MYH3: variants seen among roughly 807,000 people sequenced by gnomAD.
MYH3 encodes the protein myosin-3.
In MYH3, 130 loss-of-function variants were observed where a neutral mutation model predicts 238.0. The ratio of observed to expected loss-of-function variants is 0.55; its 90% CI spans 0.47 to 0.63. MYH3 has a LOEUF of 0.63. MYH3 is among the 30% of genes least tolerant of loss of function. MYH3 has a pLI of 0.00. For missense variants in MYH3, 1,853 were observed against 2,374.9 expected (o/e 0.78, Z 4.57); for synonymous variants, 880 against 924.1 (o/e 0.95, Z 0.86).
chr17:10,630,727 C>CGT (rs1319997527), intron 36 of MYH3, among the ~76,000 whole-genome samples: 1 of 152,010 alleles, frequency 6.6e-6, no homozygotes, highest in Non-Finnish European at 1.5e-5. Context: ...GGCAGATGCC[C>CGT]GTATTCCCAG....
chr17:10,628,658 C>T lies in MYH3; in HGVS notation c.5818G>A (p.Glu1940Lys). ...SSRMVVHESE[E>K] Reference sequence around the variant, plus strand: ...CCTGCTCCAGAAGGGCTGGCTCACTCTTCACTCTCGTGGACCACCATCTAG... The same window carrying T: ...CCTGCTCCAGAAGGGCTGGCTCACTTTTCACTCTCGTGGACCACCATCTAG... The change falls in exon 41 of 41, where the codon GAG (glutamate) becomes AAG (lysine). Residue 1940 changes from glutamate (E) to lysine (K), a missense_variant. By Grantham distance (56) the Glu-to-Lys change is moderately conservative. Transcript: ENST00000583535. 2 of 1,614,198 alleles carry T rather than the reference C, an allele frequency of 1.2e-6. No homozygotes were observed. Among genetic ancestry groups the T allele is most frequent in the Admixed American group, 1.7e-5 (1 of 60,024 alleles).
chr17:10,657,944 C>T (rs2074450187), upstream of MYH3, among the ~76,000 whole-genome samples: 1 of 152,038 alleles, frequency 6.6e-6, no homozygotes, highest in Admixed American at 6.6e-5. Flanking sequence ...TCATTAGTAT[C>T]ATTATTAACT....
chr17:10,649,495 G>T, intron 7 of MYH3, 82 bp downstream of exon 7: 1 of 1,082,110 alleles, frequency 9.2e-7, no homozygotes, highest in Non-Finnish European at 1.4e-6. Flanking sequence ...GGGGGAATGT[G>T]AGGACATTTG....
chr17:10,630,238 G>T (rs1409046472), intron 37 of MYH3, 42 bp from the exon 38 acceptor site: 1 of 1,613,102 alleles, frequency 6.2e-7, no homozygotes, highest in South Asian at 1.1e-5. Context: ...GCTGCAGCGT[G>T]ATTGGGAGGC....
chr17:10,635,251 T>TA, intron 30 of MYH3, 116 bp downstream of exon 30: 2 of 1,551,610 alleles, frequency 1.3e-6, no homozygotes, highest in Non-Finnish European at 1.8e-6. Context: ...CAGGTCCCTC[T>TA]AATGGCCCAG....
intron 11 of MYH3, 22 bp downstream of exon 11, chr17:10,645,907 C>A: frequency 1.2e-6 from 2 of 1,613,718 alleles, no homozygotes; most frequent in Non-Finnish European, 1.7e-6. Context: ...GAACACCCAC[C>A]CCTTCTGTTG....
In MYH3 at chr17:10,652,474, A is replaced by G. The variant is rs1247366052; in HGVS notation, c.294T>C (p.Asn98=). 1.6e-5 allele frequency: 26 copies of G among 1,613,966 alleles called. No individual in the cohort carries two copies. The highest frequency in any genetic ancestry group is 2.2e-5 in the Non-Finnish European group (26 of 1,180,010). The change falls in exon 4 of 41, where the codon AAT becomes AAC. Residue 98 remains asparagine (N), a synonymous_variant. Coordinates refer to ENST00000583535, the MANE Select transcript of MYH3 (RefSeq NM_002470.4). ...IEDMAMLTHL[N]EPAVLYNLKD... The stretch of plus-strand genomic sequence containing the variant: ...TCAGGTTGTACAGCACGGCTGGCTC[A>G]TTCAGGTGCGTCAGCATGGCCATGT...
the MYH3 span, among the ~76,000 whole-genome samples, chr17:10,668,215 C>T: frequency 2.6e-5 from 4 of 152,200 alleles, no homozygotes; most frequent in Non-Finnish European, 5.9e-5. Context: ...ACAAATATGG[C>T]GAAATCCCAT....
At position 10,633,084 on chromosome 17, in the gene MYH3, C is replaced by T. The variant is rs192111874; in HGVS notation, c.4648-300G>A. ...AAAATTAGCCAGGCATGGTGGTGCC[C>T]GCCTGTAATCCCAGCTACTCGGGAG... On this transcript the variant is annotated intron_variant, in intron 33 of 40. Transcript: ENST00000583535. Among the ~76,000 whole-genome samples the T allele has an allele frequency of 1.4e-4, 21 of 152,114 alleles. No homozygotes were observed. In the East Asian group the frequency reaches 3.7e-3, roughly 27 times the overall value.
At chr17:10,678,103 G>A in the MYH3 span, 2 of 151,712 alleles carry the variant, frequency 1.3e-5, no homozygotes, top group African/African-American at 2.4e-5. Context: ...CAACAAGAGT[G>A]AAACTCTGTC....
rs2074115912 is a variant in MYH3 at position 10,628,534 on chromosome 17, GA to G, written c.*118del. On this transcript the variant is annotated 3_prime_UTR_variant, in exon 41 of 41. Coordinates refer to ENST00000583535, the MANE Select transcript of MYH3 (RefSeq NM_002470.4). Reference sequence around the variant, plus strand: ...AAATACAGCAAAGCGGCCCCAGATTGAAACAAAGCAAAGTTTATTGCATGTG... The same window carrying G: ...AAATACAGCAAAGCGGCCCCAGATTGAACAAAGCAAAGTTTATTGCATGTG... 13 of 1,208,954 alleles carry G rather than the reference GA, an allele frequency of 1.1e-5. No homozygotes were observed. In the South Asian group the frequency reaches 1.3e-4, roughly 12 times the overall value. The allele number at this position is 1,208,954 out of a possible 1,614,324, so 74.9% of individuals were successfully genotyped here. A position where few individuals can be genotyped will look rare whatever the true frequency, so the allele number is the denominator to read the frequency against.
the MYH3 span, chr17:10,676,545 A>G: frequency 6.6e-6 from 1 of 152,144 alleles, no homozygotes; most frequent in Non-Finnish European, 1.5e-5. Context: ...TAACTATTCT[A>G]CTTTTTGAAT....
rs747770001 is a variant in MYH3 at position 10,648,683 on chromosome 17, A to T, written c.643-34T>A. On this transcript the variant is annotated intron_variant, in intron 7 of 40. Transcript: ENST00000583535. ...AGAAATTGAGGGAAGAAGAGGAAAC[A>T]TTTTTTTTTGAGATGGAGTTACACT... The T allele has an allele frequency of 5.0e-6, 7 of 1,396,188 alleles. No individual in the cohort carries two copies. In the Admixed American group the frequency reaches 1.0e-4, roughly 20 times the overall value. 86.5% of individuals were successfully genotyped at this position (1,396,188 alleles called of 1,614,324 possible).
Position 10,635,805 on chromosome 17 carries a change from A to C in MYH3, c.3905T>G (p.Leu1302Arg), listed in dbSNP as rs748599687. The change falls in exon 29 of 41, where the codon CTT (leucine) becomes CGT (arginine). Residue 1302 changes from leucine to arginine, a missense_variant. Around this residue, in one of 3 missense-constraint regions of MYH3, gnomAD observed 1,044 missense variants for 1,192.6 expected, o/e 0.88. Coordinates refer to ENST00000583535, the MANE Select transcript of MYH3 (RefSeq NM_002470.4). Reference sequence around the variant, plus strand: ...GGTAAAGGCTTGCTTGCTCCTGGAAAGTTGGGATACTATGCTTTCTTTTTC... The same window carrying C: ...GGTAAAGGCTTGCTTGCTCCTGGAACGTTGGGATACTATGCTTTCTTTTTC... ...LEEKESIVSQ[L>R]SRSKQAFTQQ... 9 of 1,614,052 alleles carry C rather than the reference A, an allele frequency of 5.6e-6. No homozygotes were observed. In the Admixed American group the frequency reaches 1.3e-4, roughly 24 times the overall value.
chr17:10,632,110 GTTT>G (rs758143517), intron 34 of MYH3, 94 bp from the exon 35 acceptor site: 1 of 1,379,786 alleles, frequency 7.2e-7, no homozygotes, highest in African/African-American at 1.7e-5. Context: ...TTGTTTGTTT[GTTT>G]TTGTTTTGTT....
At chr17:10,653,797 C>T (rs1201665491) in intron 3 of MYH3, among the ~76,000 whole-genome samples, 1 of 152,192 alleles carries the variant, frequency 6.6e-6, no homozygotes, top group Non-Finnish European at 1.5e-5. Context: ...GCCAATGGGC[C>T]CTGGCTGTCT....
At chr17:10,631,070 T>C (rs2074151351) in intron 36 of MYH3, among the ~76,000 whole-genome samples, 1 of 152,218 alleles carries the variant, frequency 6.6e-6, no homozygotes, top group African/African-American at 2.4e-5. Context: ...GAAATTCTTT[T>C]TTCATTACCA....
chr17:10,633,907 T>G lies in MYH3; in HGVS notation c.4522+110A>C, dbSNP rs1226086848. The G allele has an allele frequency of 3.3e-6, 5 of 1,494,962 alleles. No homozygotes were observed. The East Asian group carries it at 1.1e-4, about 34-fold the overall frequency. 92.6% of individuals were successfully genotyped at this position (1,494,962 alleles called of 1,614,324 possible). On this transcript the variant is annotated intron_variant, in intron 32 of 40. Transcript: ENST00000583535. ...TGGTGAACACTTTCTGCATGTGCAT[T>G]AACACACATGTGTGCAGGAAACTGA...
chr17:10,635,857 T>A lies in MYH3; in HGVS notation c.3857-4A>T. ...TCCAGCTGACGACTCAGCTCACCTG[T>A]GTCCAGAAGGAAATAGTTTCATTTC... On this transcript the variant is annotated splice_region_variant and splice_polypyrimidine_tract_variant and intron_variant, in intron 28 of 40. Transcript: ENST00000583535. 1 of 1,607,348 alleles carries A rather than the reference T, an allele frequency of 6.2e-7. No homozygotes were observed. Among genetic ancestry groups the A allele is most frequent in the Non-Finnish European group, 8.5e-7 (1 of 1,173,856 alleles).
Sources: gnomAD v4.1 joint callset for allele counts (sites outside exome capture counted in the v4.1 genomes callset) on GRCh38, gnomAD v4.1.1 for gene constraint, gnomAD v4.1.1 regional missense constraint, MANE v1.5 for transcripts, NCBI Gene and HGNC (gene_info 2026-07-23, HGNC 2026-07-21) for gene names.